The following SH3RF3 variants were observed in gnomAD, a reference collection of about 807,000 sequenced individuals.
SH3RF3 encodes the protein E3 ubiquitin-protein ligase SH3RF3.
SH3RF3 carries 29 observed loss-of-function variants against 66.3 expected under a neutral mutation model. That is an observed-to-expected ratio of 0.44 (90% CI 0.33 to 0.60). The LOEUF is 0.60. SH3RF3 is among the 20% of genes least tolerant of loss of function. The pLI, the probability that SH3RF3 is intolerant of heterozygous loss-of-function variation, is 0.04. For synonymous variants in SH3RF3, 583 were observed against 532.0 expected, an observed-to-expected ratio of 1.10 and a Z score of -1.32; for missense variants, 1,194 against 1,190.9, an observed-to-expected ratio of 1.00 and a Z score of -0.04.
intron 6 of SH3RF3, among the ~76,000 whole-genome samples, 184 bp downstream of exon 6, chr2:109,432,855 CACTCA>C (rs1677278896): frequency 6.6e-6 from 1 of 152,256 alleles, no homozygotes; most frequent in East Asian, 1.9e-4. Flanking sequence ...GCTGGGTTTG[CACTCA>C]ACTCCTTGGC....
intron 8 of SH3RF3, among the ~76,000 whole-genome samples, chr2:109,485,961 G>T (rs1678965688): frequency 1.3e-5 from 2 of 152,332 alleles, no homozygotes; most frequent in South Asian, 2.1e-4. Context: ...GAAGGTGGGG[G>T]CTCACCTGGA....
In SH3RF3 at chr2:109,325,477, A is replaced by T. The variant is rs151009637; in HGVS notation, c.574-22197A>T. Among the ~76,000 whole-genome samples, 1,269 of 151,012 alleles carry T rather than the reference A, an allele frequency of 8.4e-3. 15 individuals carry two copies. The highest frequency in any genetic ancestry group is 0.043 in the East Asian group (222 of 5,112). ...CACTTCAGCCTCCTGAGTAGATGGG[A>T]CTACAGGCATGTGCCACCATGTACA... On this transcript the variant is annotated intron_variant, in intron 1 of 9. Coordinates refer to ENST00000309415, the MANE Select transcript of SH3RF3 (RefSeq NM_001099289.3).
intron 1 of SH3RF3, among the ~76,000 whole-genome samples, chr2:109,324,650 A>ATCCTTTCTCCTGGAAC (rs539222759): frequency 1.4e-3 from 214 of 152,338 alleles, no homozygotes; most frequent in Admixed American, 4.2e-3. Flanking sequence ...GGCGAAGTTG[A>ATCCTTTCTCCTGGAAC]TCCTTTCTCC....
intron 6 of SH3RF3, among the ~76,000 whole-genome samples, chr2:109,433,611 G>A (rs1677311389): frequency 2.0e-5 from 3 of 152,202 alleles, no homozygotes; most frequent in Non-Finnish European, 4.4e-5. Context: ...ATAACCTGTA[G>A]ACCCTGCATT....
chr2:109,299,014 G>A (rs915266860), intron 1 of SH3RF3, among the ~76,000 whole-genome samples: 1 of 152,158 alleles, frequency 6.6e-6, no homozygotes, highest in African/African-American at 2.4e-5. Flanking sequence ...TGCCTCCCTG[G>A]TGATGTCTCC....
At chr2:109,212,707 G>A (rs1052865351) in intron 1 of SH3RF3, among the ~76,000 whole-genome samples, 1 of 152,198 alleles carries the variant, frequency 6.6e-6, no homozygotes, top group African/African-American at 2.4e-5. Context: ...AGAACTAATT[G>A]TTGTATAATA....
chr2:109,468,087 T>C (rs1418184680), intron 8 of SH3RF3, among the ~76,000 whole-genome samples: 1 of 152,186 alleles, frequency 6.6e-6, no homozygotes, highest in African/African-American at 2.4e-5. Context: ...CTAGATACGG[T>C]CATGTGTCAC....
chr2:109,187,343 GC>G (rs1269041092), intron 1 of SH3RF3, among the ~76,000 whole-genome samples: 3 of 138,992 alleles, frequency 2.2e-5, no homozygotes, highest in Non-Finnish European at 4.6e-5. Context: ...TCTCCAGAGT[GC>G]AAAAGACAAC....
chr2:109,468,249 C>G (rs1199817677), intron 8 of SH3RF3, among the ~76,000 whole-genome samples: 1 of 152,210 alleles, frequency 6.6e-6, no homozygotes, highest in African/African-American at 2.4e-5. Flanking sequence ...ACCTGCACAG[C>G]ATGTGACTGT....
At chr2:109,158,439 G>T (rs1399259829) in intron 1 of SH3RF3, among the ~76,000 whole-genome samples, 5 of 152,292 alleles carry the variant, frequency 3.3e-5, no homozygotes, top group Non-Finnish European at 7.3e-5. Flanking sequence ...ATCCTGGGGG[G>T]CAGGTTCAGC....
intron 1 of SH3RF3, among the ~76,000 whole-genome samples, chr2:109,268,383 G>T (rs998535069): frequency 6.6e-6 from 1 of 151,916 alleles, no homozygotes; most frequent in East Asian, 2.0e-4. Flanking sequence ...CGTTTCACCC[G>T]CACAACTGCA....
At chr2:109,337,048 T>A (rs988801731) in intron 1 of SH3RF3, among the ~76,000 whole-genome samples, 4 of 152,260 alleles carry the variant, frequency 2.6e-5, no homozygotes, top group Non-Finnish European at 5.9e-5. Flanking sequence ...GCTTAACATT[T>A]TTTAACATAA....
intron 3 of SH3RF3, among the ~76,000 whole-genome samples, chr2:109,382,006 A>G (rs1675693767): frequency 6.6e-6 from 1 of 152,136 alleles, no homozygotes; most frequent in Non-Finnish European, 1.5e-5. Context: ...ATAGGACACA[A>G]AGACAGCCTG....
chr2:109,145,935 C>T (rs1677086428), intron 1 of SH3RF3, among the ~76,000 whole-genome samples: 1 of 152,144 alleles, frequency 6.6e-6, no homozygotes, highest in African/African-American at 2.4e-5. Flanking sequence ...GGGTTCATGT[C>T]TCCCTCCCCA....
At chr2:109,356,839 T>A (rs1252649036) in intron 2 of SH3RF3, among the ~76,000 whole-genome samples, 1 of 152,130 alleles carries the variant, frequency 6.6e-6, no homozygotes. Context: ...ATGGTAATGA[T>A]GTCAAAGCTT....
intron 1 of SH3RF3, among the ~76,000 whole-genome samples, chr2:109,259,512 A>G (rs989493284): frequency 3.3e-5 from 5 of 152,324 alleles, no homozygotes; most frequent in African/African-American, 1.2e-4. Context: ...GTGCAAAGTC[A>G]GGACTCTCCG....
chr2:109,436,473 G>C (rs1443063204), intron 6 of SH3RF3, among the ~76,000 whole-genome samples: 2 of 152,340 alleles, frequency 1.3e-5, no homozygotes, highest in East Asian at 3.9e-4. Flanking sequence ...TGGCAGTCGT[G>C]CCCAGAGGGG....
chr2:109,223,684 C>A (rs963479081), intron 1 of SH3RF3, among the ~76,000 whole-genome samples: 2 of 152,202 alleles, frequency 1.3e-5, no homozygotes, highest in Non-Finnish European at 2.9e-5. Flanking sequence ...TTCTGCCCCC[C>A]ACGTGATGCT....
At chr2:109,388,499 T>C (rs1488505380) in intron 3 of SH3RF3, among the ~76,000 whole-genome samples, 1 of 152,200 alleles carries the variant, frequency 6.6e-6, no homozygotes, top group Non-Finnish European at 1.5e-5. Context: ...TACTCTCAGC[T>C]GCTGACCCTG....
Sources: allele counts gnomAD v4.1 joint callset (sites outside exome capture counted in the v4.1 genomes callset), GRCh38; gene constraint gnomAD v4.1.1; transcripts MANE v1.5; gene names NCBI Gene and HGNC (gene_info 2026-07-23, HGNC 2026-07-21).